ROBO2: variants seen among roughly 807,000 people sequenced by gnomAD.
The protein encoded by ROBO2 is roundabout guidance receptor 2.
Under a neutral mutation model 160.8 loss-of-function variants are expected in ROBO2, and 53 were observed. The observed-to-expected ratio is 0.33, with a 90% confidence interval of 0.26 to 0.41. The LOEUF (loss-of-function observed/expected upper bound fraction) is 0.41. ROBO2 is among the 10% of genes least tolerant of loss of function. The pLI, the probability that ROBO2 is intolerant of heterozygous loss-of-function variation, is 1.00. For synonymous variants in ROBO2, 664 were observed against 611.7 expected (o/e 1.09, Z -1.26); for missense variants, 1,577 against 1,722.4 (o/e 0.92, Z 1.49).
intron 4 of ROBO2, among the ~76,000 whole-genome samples, chr3:77,487,329 C>T (rs542000890): frequency 6.6e-6 from 1 of 152,056 alleles, no homozygotes; most frequent in African/African-American, 2.4e-5. Context: ...AGGCAGAGCC[C>T]CTGCTCTCAC....
At chr3:75,971,575 T>A (rs2064995229) in intron 2 of ROBO2, among the ~76,000 whole-genome samples, 1 of 151,468 alleles carries the variant, frequency 6.6e-6, no homozygotes, top group Non-Finnish European at 1.5e-5. Context: ...ACTTTGAAAT[T>A]TTGTGGTAGC....
chr3:76,062,854 A>C (rs1559879742), intron 2 of ROBO2, among the ~76,000 whole-genome samples: 2 of 152,218 alleles, frequency 1.3e-5, no homozygotes, highest in Non-Finnish European at 2.9e-5. Context: ...GTGAGAAAGC[A>C]GAGAAAGCAT....
chr3:76,222,874 C>A (rs1320697064), intron 2 of ROBO2, among the ~76,000 whole-genome samples: 1 of 151,972 alleles, frequency 6.6e-6, no homozygotes, highest in Non-Finnish European at 1.5e-5. Flanking sequence ...CCTGTCTCAG[C>A]CTTCCGAGTA....
exon 1 of ROBO2, chr3:77,040,781 T>G (rs2064002675): frequency 6.2e-7 from 1 of 1,613,980 alleles, no homozygotes; most frequent in Non-Finnish European, 8.5e-7. Context: ...TTTTAATATG[T>G]CAAAATGAGT....
intron 2 of ROBO2, among the ~76,000 whole-genome samples, chr3:76,402,286 G>T (rs137907922): frequency 1.3e-5 from 2 of 151,572 alleles, no homozygotes; most frequent in Non-Finnish European, 3.0e-5. Context: ...GTAAACACTG[G>T]GTTGCCATAT....
At chr3:76,610,100 G>A (rs919061891) in intron 2 of ROBO2, among the ~76,000 whole-genome samples, 23 of 152,106 alleles carry the variant, frequency 1.5e-4, no homozygotes, top group East Asian at 3.9e-4. Flanking sequence ...TGTTAAATTC[G>A]GTTTAATAGC....
chr3:75,911,997 C>G (rs1269787058), intron 1 of ROBO2, among the ~76,000 whole-genome samples: 2 of 152,136 alleles, frequency 1.3e-5, no homozygotes, highest in African/African-American at 4.8e-5. Context: ...TCTTGTCCTC[C>G]CATATATTAC....
chr3:75,916,580 C>A (rs1192583091), intron 1 of ROBO2, among the ~76,000 whole-genome samples: 2 of 152,230 alleles, frequency 1.3e-5, no homozygotes. Flanking sequence ...ATATTTATAA[C>A]TGACCTTTCT....
intron 1 of ROBO2, among the ~76,000 whole-genome samples, chr3:77,065,974 G>A (rs1187449982): frequency 1.3e-5 from 2 of 152,044 alleles, no homozygotes; most frequent in Non-Finnish European, 1.5e-5. Flanking sequence ...TGCTGGCATC[G>A]AAGCCGAAGC....
chr3:76,908,587 C>T (rs2075770042), intron 2 of ROBO2, among the ~76,000 whole-genome samples: 1 of 152,278 alleles, frequency 6.6e-6, no homozygotes, highest in Admixed American at 6.5e-5. Flanking sequence ...AACTTTGCAT[C>T]AAGCAATTTA....
intron 5 of ROBO2, among the ~76,000 whole-genome samples, chr3:77,510,218 G>C (rs1450988261): frequency 3.3e-5 from 5 of 152,068 alleles, no homozygotes; most frequent in African/African-American, 1.2e-4. Flanking sequence ...ACAGTAAACT[G>C]TTATATTAAC....
chr3:77,270,940 CT>C (rs201883503), intron 2 of ROBO2, among the ~76,000 whole-genome samples: 38 of 59,094 alleles, frequency 6.4e-4, no homozygotes, highest in East Asian at 4.1e-3. Context: ...AATACTCTGT[CT>C]TTTTAAAAAA....
At chr3:77,176,494 A>G (rs2150792819) in intron 2 of ROBO2, among the ~76,000 whole-genome samples, 1 of 152,126 alleles carries the variant, frequency 6.6e-6, no homozygotes, top group African/African-American at 2.4e-5. Context: ...TAAAATTATA[A>G]TGGAAGTCAA....
intron 2 of ROBO2, among the ~76,000 whole-genome samples, chr3:76,926,299 C>T (rs535259569): frequency 1.7e-4 from 26 of 152,228 alleles, no homozygotes; most frequent in African/African-American, 2.2e-4. Flanking sequence ...AAAAGCGTGA[C>T]GACATTTTAA....
chr3:77,471,173 T>C (rs1240528355), intron 2 of ROBO2, among the ~76,000 whole-genome samples: 1 of 152,208 alleles, frequency 6.6e-6, no homozygotes, highest in East Asian at 1.9e-4. Context: ...TCTCACTTCA[T>C]TGTCATTGCT....
At chr3:76,025,808 G>T (rs1576533982) in intron 2 of ROBO2, among the ~76,000 whole-genome samples, 1 of 151,806 alleles carries the variant, frequency 6.6e-6, no homozygotes, top group African/African-American at 2.4e-5. Context: ...TCTCAAGGAA[G>T]TAAGGCCTCT....
At chr3:76,998,593 C>T (rs959003607) in intron 2 of ROBO2, among the ~76,000 whole-genome samples, 3 of 152,136 alleles carry the variant, frequency 2.0e-5, no homozygotes, top group African/African-American at 7.2e-5. Context: ...AGGCTCATAA[C>T]ATACCGTGTG....
At chr3:76,089,719 T>C (rs2069152473) in intron 2 of ROBO2, among the ~76,000 whole-genome samples, 1 of 152,156 alleles carries the variant, frequency 6.6e-6, no homozygotes, top group Non-Finnish European at 1.5e-5. Context: ...AGTCTACAGC[T>C]AATATCATAC....
At chr3:76,129,838 C>T (rs932500836) in intron 2 of ROBO2, among the ~76,000 whole-genome samples, 2 of 152,016 alleles carry the variant, frequency 1.3e-5, no homozygotes, top group Non-Finnish European at 2.9e-5. Context: ...TCTCGATTCC[C>T]GTCCTAGCAC....
Sources: gnomAD v4.1 joint callset for allele counts (sites outside exome capture counted in the v4.1 genomes callset) on GRCh38, gnomAD v4.1.1 for gene constraint, MANE v1.5 for transcripts, NCBI Gene and HGNC (gene_info 2026-07-23, HGNC 2026-07-21) for gene names.